SMOC1: variants seen among roughly 807,000 people sequenced by gnomAD.
SMOC1 encodes the protein SPARC-related modular calcium-binding protein 1.
In SMOC1, 22 loss-of-function variants were observed where a neutral mutation model predicts 56.3. That is an observed-to-expected ratio of 0.39 (90% CI 0.28 to 0.56). The LOEUF (loss-of-function observed/expected upper bound fraction) is 0.56, where lower values mean the gene tolerates loss of function less well. Ranked by LOEUF, SMOC1 falls within the 20% of genes least tolerant of loss-of-function variation. The probability of loss-of-function intolerance (pLI) is 0.61; values close to 1 mark genes in which losing one functional copy is unlikely to be tolerated. For missense variants in SMOC1, 509 were observed against 565.4 expected (o/e 0.90, Z 1.01); for synonymous variants, 193 against 215.0 (o/e 0.90, Z 0.89).
chr14:69,904,286 A>C (rs1484351879), intron 1 of SMOC1, among the ~76,000 whole-genome samples: 1 of 152,218 alleles, frequency 6.6e-6, no homozygotes, highest in African/African-American at 2.4e-5. Flanking sequence ...CCTCTGTGGA[A>C]CTTCTTCCCA....
Position 69,977,589 on chromosome 14 carries a change from G to T in SMOC1, c.479-329G>T, listed in dbSNP as rs73290709. 6.0e-3 allele frequency among the ~76,000 whole-genome samples: 917 copies of T among 152,290 alleles called. 9 individuals are homozygous for T. The highest frequency in any genetic ancestry group is 0.021 in the African/African-American group (861 of 41,556). ...CTGGTGAGAAGTTGGGGAGATGGGG[G>T]TGTAAAGGTGAGGGGCAGATATTGG... On this transcript the variant is annotated intron_variant, in intron 4 of 11. Coordinates refer to ENST00000361956, the MANE Select transcript of SMOC1 (RefSeq NM_001034852.3).
In SMOC1 at chr14:69,952,243, T is replaced by C; in HGVS notation, c.205T>C (p.Tyr69His). ...CAGGTCCTACGAGTCCATGTGTGAG[T>C]ACCAGCGAGCCAAGTGCCGAGACCC... is the stretch of plus-strand genomic sequence containing the variant. ...DGRSYESMCEYQRAKCRDPTL... is the reference protein window; with the variant it reads ...DGRSYESMCEHQRAKCRDPTL... The change falls in exon 2 of 12, where the codon TAC becomes CAC. Residue 69 changes from tyrosine (Y) to histidine (H), a missense_variant. Transcript: ENST00000361956. 6.2e-7 allele frequency: 1 copy of C among 1,614,100 alleles called. No individual in the cohort carries two copies.
chr14:69,929,373 C>G (rs922735183), intron 1 of SMOC1, among the ~76,000 whole-genome samples: 4 of 152,160 alleles, frequency 2.6e-5, no homozygotes, highest in Non-Finnish European at 5.9e-5. Context: ...TTCCTCATGA[C>G]CAATCCATGG....
At chr14:69,962,204 C>T (rs371905275) in intron 3 of SMOC1, among the ~76,000 whole-genome samples, 14 of 152,172 alleles carry the variant, frequency 9.2e-5, no homozygotes, top group African/African-American at 2.7e-4. Context: ...ACTCTGTCAC[C>T]CAGGCTGGAG....
intron 10 of SMOC1, among the ~76,000 whole-genome samples, chr14:70,019,471 C>T (rs1012257330): frequency 2.0e-4 from 31 of 152,164 alleles, no homozygotes; most frequent in African/African-American, 7.2e-4. Flanking sequence ...TTACACTGAT[C>T]CTAAGGAGCT....
intron 6 of SMOC1, chr14:69,994,150 C>T: frequency 1.8e-6 from 1 of 562,804 alleles, no homozygotes; most frequent in Non-Finnish European, 3.2e-6. Flanking sequence ...GGATGGAGTG[C>T]TCAGTGCCTC....
chr14:70,005,868 G>A (rs1337369589), intron 7 of SMOC1, among the ~76,000 whole-genome samples: 1 of 152,082 alleles, frequency 6.6e-6, no homozygotes, highest in Non-Finnish European at 1.5e-5. Flanking sequence ...GTTTACAGAT[G>A]GTCCTGGCCC....
chr14:69,887,959 G>T (rs976603175), intron 1 of SMOC1, among the ~76,000 whole-genome samples: 3 of 152,186 alleles, frequency 2.0e-5, no homozygotes, highest in African/African-American at 7.2e-5. Context: ...TGCAGGAGCT[G>T]GGGGTGGGAT....
Position 70,009,609 on chromosome 14 carries a change from A to C in SMOC1, c.665-1145A>C, listed in dbSNP as rs114615655. 5.0e-3 allele frequency among the ~76,000 whole-genome samples: 757 copies of C among 152,342 alleles called. 7 individuals are homozygous for C. The highest frequency in any genetic ancestry group is 0.017 in the African/African-American group (708 of 41,570). On this transcript the variant is annotated intron_variant, in intron 7 of 11. Transcript: ENST00000361956. ...CTACATTCCTGTCAATTTCTTCAAG[A>C]GAAGAGTTGTAGAATAGTGGTATGA...
intron 1 of SMOC1, among the ~76,000 whole-genome samples, chr14:69,947,597 C>T (rs957046742): frequency 2.0e-5 from 3 of 152,136 alleles, no homozygotes; most frequent in Non-Finnish European, 4.4e-5. Flanking sequence ...TTCTCTCAAT[C>T]AGTCTTCACC....
rs34504720 is a variant in SMOC1, at chr14:70,030,202, C to CTTTT, written c.1292-26_1292-23dup. On this transcript the variant is annotated intron_variant, in intron 11 of 11. Coordinates refer to ENST00000361956, the MANE Select transcript of SMOC1 (RefSeq NM_001034852.3). ...CTTCTTGCTTATATCTGCCCCCGAC[C>CTTTT]TTTTTTTTTTTTTTTTTGCATTCTC... 387 of 1,514,930 alleles carry CTTTT rather than the reference C, an allele frequency of 2.6e-4. 1 individual carries two copies. In the African/African-American group the frequency reaches 5.2e-3, roughly 20 times the overall value. 93.8% of individuals were successfully genotyped at this position (1,514,930 alleles called of 1,614,324 possible).
intron 3 of SMOC1, among the ~76,000 whole-genome samples, chr14:69,962,907 C>CT (rs980089549): frequency 3.3e-5 from 5 of 152,020 alleles, no homozygotes; most frequent in East Asian, 1.9e-4. Context: ...TTCAATTTAT[C>CT]TTTTTTTTCT....
chr14:69,880,233 C>T (rs928798868), intron 1 of SMOC1, among the ~76,000 whole-genome samples: 2 of 152,086 alleles, frequency 1.3e-5, no homozygotes, highest in East Asian at 1.9e-4. Flanking sequence ...TACCCGCGAG[C>T]CACACAAGGA....
At chr14:69,889,820 T>C (rs139279201) in intron 1 of SMOC1, among the ~76,000 whole-genome samples, 142 of 152,350 alleles carry the variant, frequency 9.3e-4, no homozygotes, top group African/African-American at 3.1e-3. Flanking sequence ...ATTCCTCGGC[T>C]TGTGGCCCCT....
chr14:69,922,753 G>GGT lies in SMOC1; in HGVS notation c.100-29373_100-29372dup, dbSNP rs140575471. Among the ~76,000 whole-genome samples, 27 of 151,742 alleles carry GGT rather than the reference G, an allele frequency of 1.8e-4. No individual in the cohort carries two copies. In the South Asian group the frequency reaches 4.8e-3, roughly 27 times the overall value. ...CAGAGCCCTAGTGTTGGGTGTGTAT[G>GGT]GTGTGTGTGTGTGGTGTGTGTGTAG... On this transcript the variant is annotated intron_variant, in intron 1 of 11. Coordinates refer to ENST00000361956, the MANE Select transcript of SMOC1 (RefSeq NM_001034852.3).
chr14:69,936,288 A>G (rs981602267), intron 1 of SMOC1, among the ~76,000 whole-genome samples: 3 of 152,224 alleles, frequency 2.0e-5, no homozygotes, highest in South Asian at 4.1e-4. Flanking sequence ...GGTGAGATTC[A>G]GAGCTGCATC....
intron 1 of SMOC1, among the ~76,000 whole-genome samples, chr14:69,928,727 T>C (rs1885084793): frequency 6.6e-6 from 1 of 152,186 alleles, no homozygotes; most frequent in Non-Finnish European, 1.5e-5. Context: ...TGGAGAATTC[T>C]TTGAACTCCA....
At chr14:69,990,227 G>A (rs569896870) in intron 5 of SMOC1, among the ~76,000 whole-genome samples, 21 of 152,306 alleles carry the variant, frequency 1.4e-4, no homozygotes, top group Admixed American at 3.9e-4. Context: ...GGCTGGGCCC[G>A]ATGGGCAGTC....
intron 1 of SMOC1, among the ~76,000 whole-genome samples, chr14:69,896,436 A>G (rs2139315582): frequency 6.6e-6 from 1 of 152,202 alleles, no homozygotes; most frequent in East Asian, 1.9e-4. Context: ...GAAAGATATT[A>G]TTTAACTCAC....
Sources: gnomAD v4.1 joint callset for allele counts (sites outside exome capture counted in the v4.1 genomes callset) on GRCh38, gnomAD v4.1.1 for gene constraint, MANE v1.5 for transcripts, NCBI Gene and HGNC (gene_info 2026-07-23, HGNC 2026-07-21) for gene names.